Variants in LRRTM4 observed in about 807,000 individuals in gnomAD.
LRRTM4 encodes leucine rich repeat transmembrane neuronal 4.
Under a neutral mutation model 47.6 loss-of-function variants are expected in LRRTM4, and 25 were observed. The ratio of observed to expected loss-of-function variants is 0.53; its 90% CI spans 0.38 to 0.73. The LOEUF is 0.73. Ranked by LOEUF, LRRTM4 falls within the 30% of genes least tolerant of loss-of-function variation. The pLI, the probability that LRRTM4 is intolerant of heterozygous loss-of-function variation, is 0.00. For missense variants in LRRTM4, 638 were observed against 713.4 expected (o/e 0.89, Z 1.20); for synonymous variants, 311 against 269.5 (o/e 1.15, Z -1.51).
At chr2:77,263,406 A>C (rs1030210096) in intron 3 of LRRTM4, among the ~76,000 whole-genome samples, 2 of 152,128 alleles carry the variant, frequency 1.3e-5, no homozygotes, top group Middle Eastern at 3.2e-3. Flanking sequence ...TTGGTAACCA[A>C]GTTGGACAGA....
chr2:77,500,261 C>A (rs1337777237), intron 3 of LRRTM4, among the ~76,000 whole-genome samples: 1 of 151,662 alleles, frequency 6.6e-6, no homozygotes, highest in Admixed American at 6.6e-5. Flanking sequence ...TCACAGCTTC[C>A]TAATTAATCA....
intron 3 of LRRTM4, among the ~76,000 whole-genome samples, chr2:77,371,812 A>C (rs914331761): frequency 2.0e-5 from 3 of 151,762 alleles, no homozygotes; most frequent in African/African-American, 7.2e-5. Flanking sequence ...TCACACAGTC[A>C]AAATGTGCTC....
intron 3 of LRRTM4, among the ~76,000 whole-genome samples, chr2:76,898,218 G>A (rs1243771014): frequency 6.6e-6 from 1 of 152,016 alleles, no homozygotes; most frequent in Non-Finnish European, 1.5e-5. Context: ...TTAAATTCAT[G>A]AGAGTGCTTT....
intron 3 of LRRTM4, among the ~76,000 whole-genome samples, chr2:77,490,143 A>G (rs1313640896): frequency 1.3e-5 from 2 of 151,978 alleles, no homozygotes; most frequent in Admixed American, 1.3e-4. Context: ...CCAGCTACTC[A>G]GGAGGCTGAG....
At chr2:77,474,833 G>C (rs1049926086) in intron 3 of LRRTM4, among the ~76,000 whole-genome samples, 2 of 151,834 alleles carry the variant, frequency 1.3e-5, no homozygotes, top group African/African-American at 4.8e-5. Context: ...AATAATAAAG[G>C]GTAAATATGA....
chr2:76,959,333 T>C (rs1312757492), intron 3 of LRRTM4, among the ~76,000 whole-genome samples: 1 of 151,340 alleles, frequency 6.6e-6, no homozygotes, highest in African/African-American at 2.4e-5. Context: ...TCCTAGAAAA[T>C]GACTGAAATG....
At chr2:77,159,070 T>G (rs947439014) in intron 3 of LRRTM4, among the ~76,000 whole-genome samples, 63 of 152,152 alleles carry the variant, frequency 4.1e-4, no homozygotes, top group African/African-American at 1.5e-3. Context: ...TTTGATGACA[T>G]TTTATTATTT....
chr2:76,853,230 T>C (rs932120644), intron 3 of LRRTM4, among the ~76,000 whole-genome samples: 1 of 152,156 alleles, frequency 6.6e-6, no homozygotes, highest in African/African-American at 2.4e-5. Context: ...ATTGTCGCTA[T>C]CATAGCTGTG....
intron 3 of LRRTM4, among the ~76,000 whole-genome samples, chr2:76,761,514 T>C (rs547595066): frequency 6.6e-6 from 1 of 152,330 alleles, no homozygotes; most frequent in Admixed American, 6.5e-5. Context: ...TAGGTGAATT[T>C]ACCTTGCAGT....
At chr2:77,126,166 C>T (rs997926226) in intron 3 of LRRTM4, among the ~76,000 whole-genome samples, 1 of 151,694 alleles carries the variant, frequency 6.6e-6, no homozygotes, top group Non-Finnish European at 1.5e-5. Flanking sequence ...TTTCAAAGCA[C>T]ACTGTACCTT....
intron 3 of LRRTM4, among the ~76,000 whole-genome samples, chr2:77,210,045 C>T (rs1458479654): frequency 5.3e-5 from 8 of 152,308 alleles, no homozygotes; most frequent in African/African-American, 1.9e-4. Context: ...TCAGACACTA[C>T]ATCAATGCAT....
At chr2:76,964,634 T>C (rs532039290) in intron 3 of LRRTM4, among the ~76,000 whole-genome samples, 3 of 149,196 alleles carry the variant, frequency 2.0e-5, no homozygotes, top group South Asian at 2.1e-4. Context: ...TTACAAAACA[T>C]GAAAGATCTA....
At position 77,518,919 on chromosome 2, in the gene LRRTM4, C is replaced by A. The variant is rs762478440; in HGVS notation, c.950G>T (p.Arg317Leu). The part of the protein sequence containing the change: ...TLSGNMWECS[R>L]SICPLFYWLK... The stretch of plus-strand genomic sequence containing the variant: ...CCAATAAAATAAAGGACAAATGCTC[C>A]GACTGCATTCCCACATATTTCCAGA... The change falls in exon 3 of 4, where the codon CGG becomes CTG. Residue 317 changes from arginine to leucine, a missense_variant. Physicochemically the swap from Arg to Leu is moderately radical, Grantham distance 102. Transcript: ENST00000409884. 1.9e-6 allele frequency: 3 copies of A among 1,608,596 alleles called. No individual in the cohort carries two copies. The Admixed American group carries it at 5.1e-5, about 27-fold the overall frequency.
chr2:76,921,602 T>C (rs1205528228), intron 3 of LRRTM4, among the ~76,000 whole-genome samples: 1 of 152,126 alleles, frequency 6.6e-6, no homozygotes, highest in Non-Finnish European at 1.5e-5. Flanking sequence ...CTATCTCTCA[T>C]TTATTTATCC....
intron 3 of LRRTM4, among the ~76,000 whole-genome samples, chr2:77,004,630 A>T (rs1412806465): frequency 1.3e-5 from 2 of 152,140 alleles, no homozygotes; most frequent in African/African-American, 4.8e-5. Context: ...CCAATGGGGC[A>T]CTGTCTATTG....
chr2:77,145,213 G>T (rs1175208256), intron 3 of LRRTM4, among the ~76,000 whole-genome samples: 2 of 150,876 alleles, frequency 1.3e-5, no homozygotes, highest in African/African-American at 2.4e-5. Flanking sequence ...ATGTGTGTGT[G>T]TGTGTGTGTG....
At chr2:77,448,203 A>T (rs1006596093) in intron 3 of LRRTM4, among the ~76,000 whole-genome samples, 1 of 152,186 alleles carries the variant, frequency 6.6e-6, no homozygotes, top group Non-Finnish European at 1.5e-5. Flanking sequence ...AAGATTTTGC[A>T]TATGAATCAG....
At chr2:77,190,844 A>G (rs186518608) in intron 3 of LRRTM4, among the ~76,000 whole-genome samples, 276 of 152,316 alleles carry the variant, frequency 1.8e-3, no homozygotes, top group African/African-American at 6.4e-3. Flanking sequence ...ACTTAGCCTA[A>G]TAAGTGTTAT....
intron 3 of LRRTM4, among the ~76,000 whole-genome samples, chr2:77,083,230 T>C (rs922734737): frequency 4.6e-5 from 7 of 152,202 alleles, no homozygotes; most frequent in African/African-American, 1.7e-4. Flanking sequence ...AGAGATATTG[T>C]TAATGTCTTC....
Sources: allele counts gnomAD v4.1 joint callset (sites outside exome capture counted in the v4.1 genomes callset), GRCh38; gene constraint gnomAD v4.1.1; transcripts MANE v1.5; gene names NCBI Gene and HGNC (gene_info 2026-07-23, HGNC 2026-07-21).